The following CHD1 variants were observed in gnomAD, a reference collection of about 807,000 sequenced individuals.
CHD1 encodes chromodomain helicase DNA binding protein 1.
Under a neutral mutation model 224.2 loss-of-function variants are expected in CHD1, and 36 were observed. The observed-to-expected ratio is 0.16, with a 90% CI of 0.12 to 0.21. The LOEUF (loss-of-function observed/expected upper bound fraction) is 0.21, where lower values mean the gene tolerates loss of function less well. Ranked by LOEUF, CHD1 falls within the 10% of genes least tolerant of loss-of-function variation. CHD1 has a pLI of 1.00. For missense variants in CHD1, 1,378 were observed against 1,994.8 expected, an observed-to-expected ratio of 0.69 and a Z score of 5.89; for synonymous variants, 668 against 658.3, an observed-to-expected ratio of 1.01 and a Z score of -0.23.
intron 2 of CHD1, among the ~76,000 whole-genome samples, chr5:98,919,853 A>G (rs1365848118): frequency 6.6e-6 from 1 of 152,222 alleles, no homozygotes. Flanking sequence ...AAATAAAAGC[A>G]GTGACACTTG....
rs752695036 is a variant in CHD1, at chr5:98,897,155, C to T, written c.1493+38G>A. ...TGAATCCTGTATTGGTAAATTCTTA[C>T]TCTGTCAAATTAAATAGATGATTCA... On this transcript the variant is annotated intron_variant, in intron 11 of 35. Coordinates refer to ENST00000614616, the MANE Select transcript of CHD1 (RefSeq NM_001270.4). The T allele has an allele frequency of 6.9e-6, 11 of 1,588,656 alleles. No individual in the cohort carries two copies. The South Asian group carries it at 1.0e-4, about 15-fold the overall frequency.
chr5:98,888,295 C>T (rs1443415791), intron 16 of CHD1, 55 bp from the exon 17 acceptor site: 1 of 1,238,108 alleles, frequency 8.1e-7, no homozygotes. Context: ...GTAAGTTGTC[C>T]ACGTAACACT....
At chr5:98,859,711 G>A (rs998430908) in intron 33 of CHD1, among the ~76,000 whole-genome samples, 5 of 152,204 alleles carry the variant, frequency 3.3e-5, no homozygotes, top group African/African-American at 9.6e-5. Context: ...GGTCAGGCAA[G>A]TTTCTCTATA....
rs564520801 is a variant in CHD1 at position 98,869,609 on chromosome 5, C to T, written c.4107+145G>A. The T allele has an allele frequency of 6.5e-4, 492 of 760,554 alleles. 1 individual carries two copies. Among genetic ancestry groups the T allele is most frequent in the Non-Finnish European group, 9.0e-4 (441 of 490,506 alleles). 47.1% of individuals were successfully genotyped at this position (760,554 alleles called of 1,614,324 possible). On this transcript the variant is annotated intron_variant, in intron 30 of 35. Coordinates refer to ENST00000614616, the MANE Select transcript of CHD1 (RefSeq NM_001270.4). ...GACTGTTATGAACTATAAGTGCGTG[C>T]GCACGTGCGCGCGCACACACACACA...
At chr5:98,864,449 G>GC (rs1480393799) in intron 31 of CHD1, among the ~76,000 whole-genome samples, 1 of 150,346 alleles carries the variant, frequency 6.7e-6, no homozygotes, top group African/African-American at 2.5e-5. Flanking sequence ...GGAGGCTGAG[G>GC]CGGGAGGATC....
At chr5:98,898,528 T>C (rs2112506970) in intron 9 of CHD1, 94 bp from the exon 10 acceptor site, 2 of 1,265,820 alleles carry the variant, frequency 1.6e-6, no homozygotes, top group East Asian at 5.0e-5. Context: ...ACAAGTAAAA[T>C]TTAGCTATCT....
At chr5:98,924,311 A>C (rs900762763) in intron 2 of CHD1, among the ~76,000 whole-genome samples, 1 of 152,180 alleles carries the variant, frequency 6.6e-6, no homozygotes, top group East Asian at 1.9e-4. Flanking sequence ...TATTTACTTA[A>C]CTATAGTCAG....
chr5:98,922,481 AT>A (rs1017354119), intron 2 of CHD1, among the ~76,000 whole-genome samples: 68 of 151,096 alleles, frequency 4.5e-4, no homozygotes, highest in African/African-American at 1.0e-3. Flanking sequence ...ATAGTTAAAA[AT>A]TTTTTTTTTC....
chr5:98,920,974 C>T (rs1004817781), intron 2 of CHD1, among the ~76,000 whole-genome samples: 1 of 151,930 alleles, frequency 6.6e-6, no homozygotes, highest in African/African-American at 2.4e-5. Flanking sequence ...TGGATTTAAT[C>T]CTACAACAGA....
Position 98,885,587 on chromosome 5 carries a change from C to A in CHD1, c.2559G>T (p.Glu853Asp). ...RKQALDHFNA[E>D]GSEDFCFLLS... ...AAGCACTAATACATACCTCTGATCC[C>A]TCAGCATTAAAATGATCTAGAGCTT... Residue 853 changes from glutamate to aspartate, a missense_variant, in exon 18 of 36, where the codon GAG (glutamate) becomes GAT (aspartate). Glu to Asp is a conservative substitution (Grantham distance 45, BLOSUM62 2). Transcript: ENST00000614616. 1 of 1,594,618 alleles carries A rather than the reference C, an allele frequency of 6.3e-7. No homozygotes were observed. The highest frequency in any genetic ancestry group is 1.1e-5 in the South Asian group (1 of 89,532).
At chr5:98,888,333 G>T in intron 16 of CHD1, 93 bp from the exon 17 acceptor site, 2 of 906,894 alleles carry the variant, frequency 2.2e-6, no homozygotes, top group Non-Finnish European at 3.1e-6. Context: ...TTTAAATTGA[G>T]ATTTTAAATT....
chr5:98,893,693 T>C lies in CHD1; in HGVS notation c.1801-87A>G, dbSNP rs901945924. 1.9e-5 allele frequency: 16 copies of C among 834,970 alleles called. No individual in the cohort carries two copies. The Admixed American group carries it at 4.6e-4, about 24-fold the overall frequency. 51.7% of individuals were successfully genotyped at this position (834,970 alleles called of 1,614,324 possible). A position where few individuals can be genotyped will look rare whatever the true frequency, so the allele number is the denominator to read the frequency against. ...TTTAATCTGAACTCAATTATTAAAA[T>C]GAAATAAAAATTAAAAACAAACTTT... is the stretch of plus-strand genomic sequence containing the variant. On this transcript the variant is annotated intron_variant, in intron 13 of 35. Coordinates refer to ENST00000614616, the MANE Select transcript of CHD1 (RefSeq NM_001270.4).
intron 26 of CHD1, 107 bp from the exon 27 acceptor site, chr5:98,872,662 C>T: frequency 2.2e-6 from 2 of 906,032 alleles, no homozygotes; most frequent in Non-Finnish European, 1.7e-6. Flanking sequence ...ATAAGTATTC[C>T]TTATTTATAT....
At chr5:98,861,658 T>C (rs1055741437) in intron 32 of CHD1, among the ~76,000 whole-genome samples, 4 of 151,096 alleles carry the variant, frequency 2.6e-5, no homozygotes, top group Admixed American at 6.6e-5. Context: ...CATGCCACCA[T>C]GCCCGACTAC....
In CHD1 at chr5:98,905,206, T is replaced by A. The variant is rs571674603; in HGVS notation, c.54-108A>T. On this transcript the variant is annotated intron_variant, in intron 2 of 35. Coordinates refer to ENST00000614616, the MANE Select transcript of CHD1 (RefSeq NM_001270.4). ...ATTAAATTTTACTTCATACTTAATA[T>A]TTCAACTATCTTTGGCCAAAAAAAA... 110 of 1,310,496 alleles carry A rather than the reference T, an allele frequency of 8.4e-5. 3 individuals are homozygous for A. The South Asian group carries it at 1.5e-3, about 18-fold the overall frequency. The allele number at this position is 1,310,496 out of a possible 1,614,324, so 81.2% of individuals were successfully genotyped here. A position where few individuals can be genotyped will look rare whatever the true frequency, so the allele number is the denominator to read the frequency against.
chr5:98,899,528 A>T lies in CHD1; in HGVS notation c.1037T>A (p.Met346Lys). 1 of 1,613,332 alleles carries T rather than the reference A, an allele frequency of 6.2e-7. No individual in the cohort carries two copies. The highest frequency in any genetic ancestry group is 8.5e-7 in the Non-Finnish European group (1 of 1,179,732). ...TTTCTTATAATTATCCAATTTTTTC[A>T]TTCCTCTAACATTCTGCTGCTTGAG... ...ETLKQQNVRG[M>K]KKLDNYKKKD... is the part of the protein sequence containing the mutation. The change falls in exon 8 of 36, where the codon ATG (methionine) becomes AAG (lysine). Residue 346 changes from methionine to lysine, a missense_variant. Around this residue, in one of 16 missense-constraint regions of CHD1, gnomAD observed 15 missense variants for 16.2 expected, o/e 0.93. Coordinates refer to ENST00000614616, the MANE Select transcript of CHD1 (RefSeq NM_001270.4).
In CHD1 at chr5:98,854,933, AATAAAT is replaced by A. The variant is rs1747910551; in HGVS notation, c.*1441_*1446del. ...ATATAAAACAAAATAAAAATCTGTG[AATAAAT>A]ATAAAGCATCCCATAATAATATCTG... On this transcript the variant is annotated 3_prime_UTR_variant, in exon 36 of 36. Coordinates refer to ENST00000614616, the MANE Select transcript of CHD1 (RefSeq NM_001270.4). 1.3e-5 allele frequency: 2 copies of A among 152,190 alleles called. No homozygotes were observed. The highest frequency in any genetic ancestry group is 2.1e-4 in the South Asian group (1 of 4,828). The allele number at this position is 152,190 out of a possible 1,614,324, so 9.4% of individuals were successfully genotyped here. A position where few individuals can be genotyped will look rare whatever the true frequency, so the allele number is the denominator to read the frequency against.
Position 98,893,271 on chromosome 5 carries a change from C to CTCATTT in CHD1, c.1991+139_1991+144dup, listed in dbSNP as rs2112475963. ...CAAATAGTATTACAAACTACCTGAC[C>CTCATTT]TCATTTTCCTTTTTAAAAAATTCTT... On this transcript the variant is annotated intron_variant, in intron 14 of 35. Transcript: ENST00000614616. The CTCATTT allele has an allele frequency of 5.9e-6, 3 of 512,408 alleles. No individual in the cohort carries two copies. The East Asian group carries it at 1.0e-4, about 17-fold the overall frequency. The allele number at this position is 512,408 out of a possible 1,614,324, so 31.7% of individuals were successfully genotyped here.
chr5:98,872,092 C>T lies in CHD1; in HGVS notation c.3820G>A (p.Glu1274Lys). ...AGGTCAGGATCCATTTTAATCATTTCCCAGCTTCCATATCCATATTCATAG... is the reference window on the plus strand; with the variant it reads ...AGGTCAGGATCCATTTTAATCATTTTCCAGCTTCCATATCCATATTCATAG... ...GIYEYGYGSW[E>K]MIKMDPDLSL... The change falls in exon 28 of 36, where the codon GAA becomes AAA. Residue 1274 changes from glutamate (E) to lysine (K), a missense_variant. Glu to Lys is a moderately conservative substitution (Grantham distance 56). Around this residue, in one of 16 missense-constraint regions of CHD1, gnomAD observed 286 missense variants for 445.1 expected, o/e 0.64. Transcript: ENST00000614616. The T allele has an allele frequency of 6.2e-7, 1 of 1,613,304 alleles. No homozygotes were observed. The highest frequency in any genetic ancestry group is 2.2e-5 in the East Asian group (1 of 44,816).
Sources: gnomAD v4.1 joint callset for allele counts (sites outside exome capture counted in the v4.1 genomes callset) on GRCh38, gnomAD v4.1.1 for gene constraint, gnomAD v4.1.1 regional missense constraint, MANE v1.5 for transcripts, NCBI Gene and HGNC (gene_info 2026-07-23, HGNC 2026-07-21) for gene names.